The following RPS10 variants were observed in gnomAD, a reference collection of about 807,000 sequenced individuals.
RPS10 encodes the protein small ribosomal subunit protein eS10.
RPS10 carries 2 observed loss-of-function variants against 22.6 expected under a neutral mutation model. That is an observed-to-expected ratio of 0.09 (90% CI 0.04 to 0.28). RPS10 has a LOEUF of 0.28. Ranked by LOEUF, RPS10 falls within the 10% of genes least tolerant of loss-of-function variation. The pLI, the probability that RPS10 is intolerant of heterozygous loss-of-function variation, is 1.00. For synonymous variants in RPS10, 70 were observed against 75.9 expected (o/e 0.92, Z 0.40); for missense variants, 137 against 222.2 (o/e 0.62, Z 2.44).
rs987926862 is a variant in RPS10 at position 34,418,559 on chromosome 6, T to C, written c.401-135A>G. 8 of 1,362,898 alleles carry C rather than the reference T, an allele frequency of 5.9e-6. No homozygotes were observed. The African/African-American group carries it at 1.2e-4, about 20-fold the overall frequency. 84.4% of individuals were successfully genotyped at this position (1,362,898 alleles called of 1,614,324 possible). On this transcript the variant is annotated intron_variant, in intron 4 of 5. Transcript: ENST00000648437. ...GTTAAATATAAGCAAATTACACCAGTGGTGGGGAATACCTTCTGAGCCACC... is the reference window on the plus strand; with the variant it reads ...GTTAAATATAAGCAAATTACACCAGCGGTGGGGAATACCTTCTGAGCCACC...
At chr6:34,424,447 A>C in intron 3 of RPS10, 1 of 572,994 alleles carries the variant, frequency 1.7e-6, no homozygotes, top group South Asian at 2.0e-5. Flanking sequence ...GTGGGTGAAG[A>C]AAGTGACAGA....
At chr6:34,425,291 G>C in intron 1 of RPS10, 70 bp from the exon 2 acceptor site, 1 of 1,537,814 alleles carries the variant, frequency 6.5e-7, no homozygotes. Flanking sequence ...TCAAGTTCTT[G>C]ATCCTAAAGT....
chr6:34,423,650 TGA>T (rs972504378), intron 3 of RPS10, among the ~76,000 whole-genome samples: 6 of 152,264 alleles, frequency 3.9e-5, no homozygotes, highest in African/African-American at 1.2e-4. Context: ...TTTGGGAGGC[TGA>T]GGTGGTGGAT....
At chr6:34,425,779 C>T (rs1203400639) in intron 1 of RPS10, 7 of 164,096 alleles carry the variant, frequency 4.3e-5, no homozygotes, top group Non-Finnish European at 8.1e-5. Flanking sequence ...GGTGGGACAC[C>T]GTCTCGCTAG....
At chr6:34,417,572 A>G in intron 5 of RPS10, 25 bp from the exon 6 acceptor site, 1 of 1,613,332 alleles carries the variant, frequency 6.2e-7, no homozygotes, top group Non-Finnish European at 8.5e-7. Flanking sequence ...ACATCACATC[A>G]GCATGAGCGG....
At chr6:34,425,495 A>C (rs1162544850) in intron 1 of RPS10, 2 of 415,094 alleles carry the variant, frequency 4.8e-6, no homozygotes, top group Non-Finnish European at 4.6e-6. Flanking sequence ...ACAAAGGTCA[A>C]TGGGGGGGAG....
chr6:34,422,019 GAAAAA>G (rs34411335), intron 3 of RPS10, among the ~76,000 whole-genome samples: 1 of 129,226 alleles, frequency 7.7e-6, no homozygotes, highest in African/African-American at 2.7e-5. Flanking sequence ...CTGCAAATCT[GAAAAA>G]AAAAAAAAAG....
At chr6:34,424,587 G>T in intron 3 of RPS10, 82 bp downstream of exon 3, 6 of 1,570,716 alleles carry the variant, frequency 3.8e-6, no homozygotes, top group Non-Finnish European at 5.2e-6. Context: ...CTCTAAAGCT[G>T]ACATCAGCTA....
chr6:34,421,396 C>A (rs1765762416), intron 4 of RPS10, among the ~76,000 whole-genome samples: 1 of 151,864 alleles, frequency 6.6e-6, no homozygotes. Flanking sequence ...GTTGGCCAGG[C>A]TGGTCTCGAA....
chr6:34,420,900 C>G (rs1308129364), intron 4 of RPS10, among the ~76,000 whole-genome samples: 3 of 151,176 alleles, frequency 2.0e-5, no homozygotes, highest in African/African-American at 7.3e-5. Flanking sequence ...CCCAGCTACT[C>G]GGGAGGCTGA....
chr6:34,418,455 C>A, intron 4 of RPS10, 31 bp from the exon 5 acceptor site: 1 of 1,614,114 alleles, frequency 6.2e-7, no homozygotes, highest in Non-Finnish European at 8.5e-7. Context: ...TTAGAATCAT[C>A]ATATGATCTA....
intron 5 of RPS10, 189 bp from the exon 6 acceptor site, chr6:34,417,736 G>A: frequency 1.4e-6 from 1 of 725,562 alleles, no homozygotes; most frequent in Non-Finnish European, 2.5e-6. Context: ...TAACATCTAG[G>A]CCCATTTCTT....
intron 5 of RPS10, chr6:34,418,087 A>ACCCACTG: frequency 8.2e-7 from 1 of 1,212,186 alleles, no homozygotes; most frequent in Non-Finnish European, 1.1e-6. Flanking sequence ...TCTTAAGCCC[A>ACCCACTG]CCCACCTTCC....
At chr6:34,421,076 G>C (rs1302053908) in intron 4 of RPS10, among the ~76,000 whole-genome samples, 4 of 138,620 alleles carry the variant, frequency 2.9e-5, no homozygotes. Context: ...ACTAACAAAA[G>C]CTCCACATTT....
chr6:34,418,381 G>A lies in RPS10; in HGVS notation c.444C>T (p.Thr148=), dbSNP rs149897629. The A allele has an allele frequency of 7.6e-5, 122 of 1,614,126 alleles. No individual in the cohort carries two copies. The African/African-American group carries it at 8.9e-4, about 12-fold the overall frequency. The part of the protein sequence containing the change: ...KKAEAGAGSA[T]EFQFRGGFGR... Reference sequence around the variant, plus strand: ...GGAAGATACTCACAAACTGGAATTCGGTTGCTGACCCAGCCCCAGCCTCGG... The same window carrying A: ...GGAAGATACTCACAAACTGGAATTCAGTTGCTGACCCAGCCCCAGCCTCGG... Residue 148 remains threonine, a synonymous_variant, in exon 5 of 6, where the codon ACC becomes ACT. Coordinates refer to ENST00000648437, the MANE Select transcript of RPS10 (RefSeq NM_001014.5).
intron 4 of RPS10, among the ~76,000 whole-genome samples, chr6:34,419,869 C>T (rs950395876): frequency 6.6e-6 from 1 of 152,028 alleles, no homozygotes; most frequent in Non-Finnish European, 1.5e-5. Flanking sequence ...TGGGCCACCG[C>T]GCCCGGCCCT....
At chr6:34,425,379 G>A (rs1765920746) in intron 1 of RPS10, 158 bp from the exon 2 acceptor site, 1 of 867,568 alleles carries the variant, frequency 1.2e-6, no homozygotes, top group Non-Finnish European at 1.8e-6. Context: ...GGCCAGCTCC[G>A]TCAGTCCCCA....
chr6:34,425,303 A>G (rs1454499322), intron 1 of RPS10, 82 bp from the exon 2 acceptor site: 5 of 1,523,210 alleles, frequency 3.3e-6, no homozygotes, highest in Non-Finnish European at 3.5e-6. Context: ...TCCTAAAGTG[A>G]CCCACACAAA....
intron 3 of RPS10, 195 bp downstream of exon 3, chr6:34,424,474 C>A (rs1308247942): frequency 1.3e-5 from 8 of 638,194 alleles, no homozygotes; most frequent in African/African-American, 1.8e-5. Context: ...GTGCTTAAGG[C>A]CATCTCATGG....
Sources: allele counts gnomAD v4.1 joint callset (sites outside exome capture counted in the v4.1 genomes callset), GRCh38; gene constraint gnomAD v4.1.1; transcripts MANE v1.5; gene names NCBI Gene and HGNC (gene_info 2026-07-23, HGNC 2026-07-21).